XYLT1: variants seen among roughly 807,000 people sequenced by gnomAD.
The protein encoded by XYLT1 is xylosyltransferase 1.
XYLT1 carries 36 observed loss-of-function variants against 91.3 expected under a neutral mutation model. The ratio of observed to expected loss-of-function variants is 0.39; its 90% confidence interval spans 0.30 to 0.52. The LOEUF (loss-of-function observed/expected upper bound fraction) is 0.52, where lower values mean the gene tolerates loss of function less well. XYLT1 is among the 20% of genes least tolerant of loss of function. The pLI, the probability that XYLT1 is intolerant of heterozygous loss-of-function variation, is 0.68. For missense variants in XYLT1, 1,242 were observed against 1,284.5 expected (o/e 0.97, Z 0.51); for synonymous variants, 588 against 532.0 (o/e 1.11, Z -1.45).
intron 2 of XYLT1, among the ~76,000 whole-genome samples, chr16:17,305,728 C>A (rs556871133): frequency 6.6e-6 from 1 of 152,188 alleles, no homozygotes; most frequent in East Asian, 1.9e-4. Context: ...ATTAAACAGA[C>A]GAAGTATTGC....
At position 17,347,362 on chromosome 16, in the gene XYLT1, C is replaced by G. The variant is rs77146772; in HGVS notation, c.402+10650G>C. Among the ~76,000 whole-genome samples, 73 of 152,286 alleles carry G rather than the reference C, an allele frequency of 4.8e-4. No homozygotes were observed. In the East Asian group the frequency reaches 0.013, roughly 28 times the overall value. On this transcript the variant is annotated intron_variant, in intron 2 of 11. Transcript: ENST00000261381. ...TTAGTCCCTCCCCACTGAAGAATGCCTTTACCAACTTGGGACAGACAGAGG... is the reference window on the plus strand; with the variant it reads ...TTAGTCCCTCCCCACTGAAGAATGCGTTTACCAACTTGGGACAGACAGAGG...
At chr16:17,345,651 A>G (rs2035133722) in intron 2 of XYLT1, among the ~76,000 whole-genome samples, 1 of 152,228 alleles carries the variant, frequency 6.6e-6, no homozygotes. Context: ...AAGGTGATGC[A>G]CTGAGCAAGT....
chr16:17,222,986 A>G (rs1000928691), intron 3 of XYLT1, among the ~76,000 whole-genome samples: 1 of 151,042 alleles, frequency 6.6e-6, no homozygotes, highest in African/African-American at 2.4e-5. Flanking sequence ...GAACTCACAC[A>G]GAGACACCCC....
chr16:17,143,244 T>C (rs776415406), intron 6 of XYLT1, among the ~76,000 whole-genome samples: 1 of 152,064 alleles, frequency 6.6e-6, no homozygotes, highest in Non-Finnish European at 1.5e-5. Flanking sequence ...TCATCACCAT[T>C]TTCATTATCA....
intron 1 of XYLT1, among the ~76,000 whole-genome samples, chr16:17,424,830 G>A (rs1184642724): frequency 1.4e-5 from 2 of 145,730 alleles, no homozygotes; most frequent in Non-Finnish European, 3.0e-5. Context: ...ATTGCACCAC[G>A]GCACTCCAGC....
chr16:17,405,953 G>C (rs905632312), intron 1 of XYLT1, among the ~76,000 whole-genome samples: 2 of 152,200 alleles, frequency 1.3e-5, no homozygotes, highest in Admixed American at 1.3e-4. Context: ...GGGAGGCTGA[G>C]GTGGGTGGAT....
chr16:17,169,768 G>A (rs1215589680), intron 5 of XYLT1, among the ~76,000 whole-genome samples: 1 of 152,170 alleles, frequency 6.6e-6, no homozygotes, highest in African/African-American at 2.4e-5. Context: ...CACATGCCAT[G>A]AGGCATCTCA....
At chr16:17,379,793 A>ACACACACACACACACACACACACC (rs71373108) in intron 1 of XYLT1, among the ~76,000 whole-genome samples, 1 of 142,330 alleles carries the variant, frequency 7.0e-6, no homozygotes, top group Non-Finnish European at 1.6e-5. Flanking sequence ...ACACACACAC[A>ACACACACACACACACACACACACC]CCCCTTACCT....
At chr16:17,348,689 C>T (rs575053750) in intron 2 of XYLT1, among the ~76,000 whole-genome samples, 21 of 152,348 alleles carry the variant, frequency 1.4e-4, no homozygotes, top group Middle Eastern at 3.4e-3. Context: ...GCCTTGTCTA[C>T]GGATTTTTAC....
At chr16:17,285,872 CTCTGTGTGTG>C (rs2034128062) in intron 2 of XYLT1, among the ~76,000 whole-genome samples, 1 of 112,238 alleles carries the variant, frequency 8.9e-6, no homozygotes, top group South Asian at 3.6e-4. Flanking sequence ...CCTGGTGTAT[CTCTGTGTGTG>C]TGTGTGTGTG....
chr16:17,377,290 T>C (rs923163453), intron 1 of XYLT1, among the ~76,000 whole-genome samples: 1 of 150,078 alleles, frequency 6.7e-6, no homozygotes, highest in Middle Eastern at 3.2e-3. Flanking sequence ...AAGAAGGACC[T>C]GGTTCTAGTG....
At chr16:17,359,325 C>T (rs1442885523) in intron 1 of XYLT1, among the ~76,000 whole-genome samples, 1 of 152,158 alleles carries the variant, frequency 6.6e-6, no homozygotes, top group African/African-American at 2.4e-5. Context: ...AGCCCATTGT[C>T]CCATACTGTG....
intron 11 of XYLT1, among the ~76,000 whole-genome samples, chr16:17,109,518 C>T (rs1966825220): frequency 6.6e-6 from 1 of 152,092 alleles, no homozygotes; most frequent in African/African-American, 2.4e-5. Flanking sequence ...AAGGTTATTT[C>T]AGGCAGTGAT....
chr16:17,407,707 C>G (rs1294877686), intron 1 of XYLT1, among the ~76,000 whole-genome samples: 1 of 152,228 alleles, frequency 6.6e-6, no homozygotes, highest in Non-Finnish European at 1.5e-5. Flanking sequence ...GGTCTGCATT[C>G]TAACCCAGGG....
intron 3 of XYLT1, among the ~76,000 whole-genome samples, chr16:17,251,614 C>A (rs905088439): frequency 2.0e-5 from 3 of 152,166 alleles, no homozygotes; most frequent in Non-Finnish European, 4.4e-5. Context: ...GGCTGGTGGC[C>A]GTGAGGGCCA....
chr16:17,449,867 G>A (rs1041686466), intron 1 of XYLT1, among the ~76,000 whole-genome samples: 2 of 152,102 alleles, frequency 1.3e-5, no homozygotes, highest in Non-Finnish European at 1.5e-5. Flanking sequence ...TCTTAAAGTG[G>A]GGTTCCATAG....
At chr16:17,132,516 TG>T in intron 9 of XYLT1, among the ~76,000 whole-genome samples, 1 of 149,142 alleles carries the variant, frequency 6.7e-6, no homozygotes, top group Non-Finnish European at 1.5e-5. Flanking sequence ...AGCAATGACC[TG>T]AACCCTGAGC....
chr16:17,168,794 C>T (rs76768127), intron 5 of XYLT1, among the ~76,000 whole-genome samples: 8,765 of 152,200 alleles, frequency 0.058, 363 homozygotes, highest in African/African-American at 0.11. Flanking sequence ...CTCTTTACCT[C>T]GTCCTCCAGG....
chr16:17,301,645 C>A (rs537375843), intron 2 of XYLT1, among the ~76,000 whole-genome samples: 1 of 152,104 alleles, frequency 6.6e-6, no homozygotes, highest in Non-Finnish European at 1.5e-5. Context: ...CTTGCAATGT[C>A]GCTGCCAAGT....
Sources: gnomAD v4.1 joint callset for allele counts (sites outside exome capture counted in the v4.1 genomes callset) on GRCh38, gnomAD v4.1.1 for gene constraint, MANE v1.5 for transcripts, NCBI Gene and HGNC (gene_info 2026-07-23, HGNC 2026-07-21) for gene names.